CDK14: variants seen among roughly 807,000 people sequenced by gnomAD.
CDK14 encodes the protein cyclin dependent kinase 14.
In CDK14, 34 loss-of-function variants were observed where a neutral mutation model predicts 60.7. The observed-to-expected ratio is 0.56, with a 90% confidence interval of 0.43 to 0.75. CDK14 has a LOEUF of 0.75. CDK14 is among the 30% of genes least tolerant of loss of function. The probability of loss-of-function intolerance (pLI) is 0.00; values close to 1 mark genes in which losing one functional copy is unlikely to be tolerated. For synonymous variants in CDK14, 197 were observed against 203.7 expected, an observed-to-expected ratio of 0.97 and a Z score of 0.28; for missense variants, 482 against 564.1, an observed-to-expected ratio of 0.85 and a Z score of 1.47.
At chr7:90,973,991 A>G (rs1292964370) in intron 9 of CDK14, among the ~76,000 whole-genome samples, 1 of 152,168 alleles carries the variant, frequency 6.6e-6, no homozygotes, top group Non-Finnish European at 1.5e-5. Flanking sequence ...GCAGGAGACC[A>G]GGGCATATTT....
chr7:91,026,003 A>G (rs1166040677), intron 10 of CDK14, among the ~76,000 whole-genome samples: 1 of 151,908 alleles, frequency 6.6e-6, no homozygotes, highest in East Asian at 1.9e-4. Context: ...TCTAGGTGAC[A>G]TATTTTAGAG....
intron 11 of CDK14, among the ~76,000 whole-genome samples, chr7:91,068,774 T>G (rs984961306): frequency 4.2e-5 from 6 of 143,050 alleles, no homozygotes; most frequent in African/African-American, 1.3e-4. Flanking sequence ...TGTAGTGTAC[T>G]TTCCAAATAG....
intron 2 of CDK14, among the ~76,000 whole-genome samples, chr7:90,723,554 C>G (rs1290075420): frequency 6.6e-6 from 1 of 152,108 alleles, no homozygotes; most frequent in Non-Finnish European, 1.5e-5. Flanking sequence ...AAACATTGTT[C>G]TTACAATGTT....
At chr7:90,695,369 A>C (rs1220341244) in intron 2 of CDK14, among the ~76,000 whole-genome samples, 2 of 152,250 alleles carry the variant, frequency 1.3e-5, no homozygotes, top group Non-Finnish European at 2.9e-5. Flanking sequence ...GTAATAAACA[A>C]TTGAAATGTA....
chr7:90,779,400 G>A (rs1039332298), intron 4 of CDK14, among the ~76,000 whole-genome samples: 3 of 152,098 alleles, frequency 2.0e-5, no homozygotes, highest in Non-Finnish European at 1.5e-5. Context: ...CTACAGGCAC[G>A]TGCCACCATG....
chr7:90,709,269 G>A, intron 2 of CDK14: 1 of 490,228 alleles, frequency 2.0e-6, no homozygotes. Flanking sequence ...AGCTTTTGCA[G>A]CATGCATGAT....
At chr7:90,754,894 A>G (rs1272408936) in intron 4 of CDK14, among the ~76,000 whole-genome samples, 2 of 152,230 alleles carry the variant, frequency 1.3e-5, no homozygotes, top group Admixed American at 6.5e-5. Context: ...CATCAGAAAA[A>G]TACAAATCAA....
At chr7:90,790,735 C>A in intron 5 of CDK14, 83 bp downstream of exon 5, 1 of 806,264 alleles carries the variant, frequency 1.2e-6, no homozygotes, top group Non-Finnish European at 2.0e-6. Context: ...TCTGAATATG[C>A]TGAGTTTTAA....
At chr7:90,818,518 A>G (rs1375236849) in intron 5 of CDK14, among the ~76,000 whole-genome samples, 1 of 152,202 alleles carries the variant, frequency 6.6e-6, no homozygotes, top group Non-Finnish European at 1.5e-5. Flanking sequence ...ATACTTCTGG[A>G]TACTTCTTAT....
chr7:91,169,531 C>T (rs888061637), intron 14 of CDK14, among the ~76,000 whole-genome samples: 2 of 152,144 alleles, frequency 1.3e-5, no homozygotes, highest in African/African-American at 2.4e-5. Context: ...CACCCCAAAG[C>T]GGGCCAAGTA....
chr7:90,910,963 G>A (rs1382151526), intron 7 of CDK14, among the ~76,000 whole-genome samples: 2 of 152,040 alleles, frequency 1.3e-5, no homozygotes, highest in African/African-American at 2.4e-5. Flanking sequence ...GCCACAGTGT[G>A]TGTTTTTCCC....
At chr7:90,908,455 A>C (rs1482590439) in intron 7 of CDK14, among the ~76,000 whole-genome samples, 3 of 152,196 alleles carry the variant, frequency 2.0e-5, no homozygotes, top group Admixed American at 2.0e-4. Context: ...GATGAAATGC[A>C]GACAATGATT....
At chr7:91,139,709 C>T (rs1399244228) in intron 14 of CDK14, among the ~76,000 whole-genome samples, 1 of 152,136 alleles carries the variant, frequency 6.6e-6, no homozygotes, top group South Asian at 2.1e-4. Context: ...CCATAGCAAA[C>T]ATTATTTTGG....
chr7:90,680,676 A>G (rs1801296693), intron 2 of CDK14, among the ~76,000 whole-genome samples: 1 of 152,174 alleles, frequency 6.6e-6, no homozygotes, highest in Admixed American at 6.5e-5. Context: ...TCAGATATGC[A>G]TAATATGTAG....
intron 2 of CDK14, among the ~76,000 whole-genome samples, chr7:90,626,987 ACAAAAAAAG>A (rs1799889563): frequency 6.6e-6 from 1 of 151,784 alleles, no homozygotes; most frequent in African/African-American, 2.4e-5. Context: ...CAAAAACAAA[ACAAAAAAAG>A]AAAAGTAAAA....
chr7:90,762,468 CAATG>C (rs1379783057), intron 4 of CDK14, among the ~76,000 whole-genome samples: 1 of 151,930 alleles, frequency 6.6e-6, no homozygotes. Flanking sequence ...AGCACAAAAA[CAATG>C]AACAGATAAG....
chr7:90,919,191 GGT>G (rs1205214216), intron 8 of CDK14, among the ~76,000 whole-genome samples: 2 of 151,942 alleles, frequency 1.3e-5, no homozygotes, highest in East Asian at 3.9e-4. Flanking sequence ...ATTTTCTTAT[GGT>G]GTGTTAATAT....
chr7:91,087,496 G>C (rs975811192), intron 12 of CDK14, among the ~76,000 whole-genome samples: 4 of 152,146 alleles, frequency 2.6e-5, no homozygotes, highest in African/African-American at 9.7e-5. Context: ...TATTCAGGAA[G>C]CTCATTAACC....
chr7:90,803,253 C>G, intron 5 of CDK14, among the ~76,000 whole-genome samples: 1 of 152,030 alleles, frequency 6.6e-6, no homozygotes, highest in East Asian at 1.9e-4. Flanking sequence ...GAGTAAGAGA[C>G]AGAGGTTACA....
Sources: allele counts gnomAD v4.1 joint callset (sites outside exome capture counted in the v4.1 genomes callset), GRCh38; gene constraint gnomAD v4.1.1; transcripts MANE v1.5; gene names NCBI Gene and HGNC (gene_info 2026-07-23, HGNC 2026-07-21).